The following ANKS1B variants were observed in gnomAD, a reference collection of about 807,000 sequenced individuals.
ANKS1B encodes the protein ankyrin repeat and sterile alpha motif domain-containing protein 1B.
Under a neutral mutation model 148.3 loss-of-function variants are expected in ANKS1B, and 36 were observed. That is an observed-to-expected ratio of 0.24 (90% CI 0.19 to 0.32). The LOEUF is 0.32. ANKS1B is among the 10% of genes least tolerant of loss of function. The pLI is 1.00. For synonymous variants in ANKS1B, 542 were observed against 560.8 expected, an observed-to-expected ratio of 0.97 and a Z score of 0.47; for missense variants, 1,157 against 1,542.6, an observed-to-expected ratio of 0.75 and a Z score of 4.19.
chr12:99,264,016 A>T (rs2153984108), intron 12 of ANKS1B, among the ~76,000 whole-genome samples: 1 of 152,238 alleles, frequency 6.6e-6, no homozygotes, highest in Non-Finnish European at 1.5e-5. Context: ...TGCCCTAAAA[A>T]TTCTATATAC....
In ANKS1B at chr12:98,829,332, G is replaced by A. The variant is rs771639722; in HGVS notation, c.2908C>T (p.Pro970Ser). The A allele has an allele frequency of 5.5e-5, 88 of 1,613,792 alleles. No homozygotes were observed. Among genetic ancestry groups the A allele is most frequent in the Non-Finnish European group, 7.3e-5 (86 of 1,179,838 alleles). The stretch of plus-strand genomic sequence containing the variant: ...CTAAGTGATGGAGACAACTGAGGAG[G>A]AGTGTGATTACCACTGGGTTCCTGA... Reference protein sequence around the residue: ...TLREPSGNHTPPQLSPSLSQS... With the variant: ...TLREPSGNHTSPQLSPSLSQS... Residue 970 changes from proline to serine, a missense_variant, in exon 19 of 27, where the codon CCT becomes TCT. Around this residue, in one of 6 missense-constraint regions of ANKS1B, gnomAD observed 258 missense variants for 497.0 expected, o/e 0.52. Transcript: ENST00000683438. This position sits in a 1 kb window ranked among gnomAD's most constrained non-coding sequence, Gnocchi z 5.2.
intron 18 of ANKS1B, chr12:98,831,023 C>A (rs1220123641): frequency 7.2e-6 from 1 of 139,158 alleles, no homozygotes; most frequent in East Asian, 2.5e-4. Flanking sequence ...TCTCGGCCCA[C>A]TGCATCCTCT....
intron 1 of ANKS1B, among the ~76,000 whole-genome samples, chr12:99,833,615 A>G (rs2084366790): frequency 6.6e-6 from 1 of 152,252 alleles, no homozygotes; most frequent in Non-Finnish European, 1.5e-5. Flanking sequence ...GGCAGGAGCC[A>G]AGTTTCAGTT....
At chr12:99,858,338 T>C (rs930193037) in intron 1 of ANKS1B, among the ~76,000 whole-genome samples, 1 of 151,832 alleles carries the variant, frequency 6.6e-6, no homozygotes, top group East Asian at 1.9e-4. Context: ...ACCTTACTCC[T>C]GCAAGAATGG....
intron 9 of ANKS1B, among the ~76,000 whole-genome samples, chr12:99,602,769 T>TA (rs2097814367): frequency 6.6e-6 from 1 of 152,190 alleles, no homozygotes; most frequent in East Asian, 1.9e-4. Flanking sequence ...GGAGAAAAAT[T>TA]AAAAATATTA....
At position 99,895,658 on chromosome 12, in the gene ANKS1B, AG is replaced by A. The variant is rs571164440; in HGVS notation, c.135-70270del. On this transcript the variant is annotated intron_variant, in intron 1 of 26. Coordinates refer to ENST00000683438, the MANE Select transcript of ANKS1B (RefSeq NM_001352186.2). ...CTTTCTGGATTGAAAGGGCCCACAG[AG>A]TACCAACCACAAAAAAAACAGAAAT... Among the ~76,000 whole-genome samples, 51 of 143,660 alleles carry A rather than the reference AG, an allele frequency of 3.6e-4. No individual in the cohort carries two copies. The East Asian group carries it at 8.4e-3, about 24-fold the overall frequency. 94.2% of individuals were successfully genotyped at this position (143,660 alleles called of 152,430 possible).
chr12:98,820,647 T>C (rs1365417981), intron 19 of ANKS1B, among the ~76,000 whole-genome samples: 1 of 152,210 alleles, frequency 6.6e-6, no homozygotes, highest in African/African-American at 2.4e-5. Context: ...AAATGAAATA[T>C]AATGAAATAT....
intron 12 of ANKS1B, among the ~76,000 whole-genome samples, chr12:99,300,501 T>C (rs1212760779): frequency 1.3e-5 from 2 of 151,946 alleles, no homozygotes; most frequent in Non-Finnish European, 1.5e-5. Context: ...ACAGAAAACA[T>C]AGACCAAAGC....
At chr12:99,311,301 A>G (rs1211059209) in intron 12 of ANKS1B, among the ~76,000 whole-genome samples, 1 of 152,178 alleles carries the variant, frequency 6.6e-6, no homozygotes, top group Non-Finnish European at 1.5e-5. Context: ...AAATATACAG[A>G]AAAAGAAAGA....
intron 9 of ANKS1B, among the ~76,000 whole-genome samples, chr12:99,533,073 G>C (rs2097018810): frequency 6.6e-6 from 1 of 152,114 alleles, no homozygotes; most frequent in South Asian, 2.1e-4. Context: ...GAATGACATT[G>C]GTATTTTGAT....
chr12:99,753,812 A>C (rs1309709361), intron 8 of ANKS1B, among the ~76,000 whole-genome samples: 1 of 152,066 alleles, frequency 6.6e-6, no homozygotes, highest in Non-Finnish European at 1.5e-5. Context: ...ACCTGAGGTC[A>C]GGAGTTCGAG....
chr12:99,411,639 C>G (rs2094711236), intron 11 of ANKS1B, among the ~76,000 whole-genome samples: 1 of 152,118 alleles, frequency 6.6e-6, no homozygotes, highest in Non-Finnish European at 1.5e-5. Flanking sequence ...AAAATGATAG[C>G]CTACTGTCCC....
At chr12:99,410,598 G>T (rs999734254) in intron 11 of ANKS1B, among the ~76,000 whole-genome samples, 4 of 152,200 alleles carry the variant, frequency 2.6e-5, no homozygotes, top group Non-Finnish European at 4.4e-5. Flanking sequence ...GAACCTGGGA[G>T]GGGGAGCTTG....
At chr12:99,578,800 T>C (rs558204825) in intron 9 of ANKS1B, among the ~76,000 whole-genome samples, 1 of 152,256 alleles carries the variant, frequency 6.6e-6, no homozygotes, top group Admixed American at 6.5e-5. Context: ...TTCAGTGATA[T>C]TCCTGTGAAA....
At chr12:99,539,485 C>T (rs1567305792) in intron 9 of ANKS1B, among the ~76,000 whole-genome samples, 1 of 151,584 alleles carries the variant, frequency 6.6e-6, no homozygotes, top group Admixed American at 6.6e-5. Context: ...AAAAATAACT[C>T]TTAAAAATAT....
chr12:99,725,538 C>A (rs550056188), intron 8 of ANKS1B, among the ~76,000 whole-genome samples: 7 of 152,124 alleles, frequency 4.6e-5, no homozygotes, highest in Non-Finnish European at 8.8e-5. Flanking sequence ...GACTTAGACT[C>A]CCACACAATA....
intron 15 of ANKS1B, among the ~76,000 whole-genome samples, chr12:99,117,062 CT>C (rs2061587364): frequency 6.6e-6 from 1 of 152,174 alleles, no homozygotes; most frequent in Non-Finnish European, 1.5e-5. Context: ...TATCCTGAGA[CT>C]TTGCTGAAGT....
At chr12:99,750,108 G>T (rs768473497) in intron 8 of ANKS1B, among the ~76,000 whole-genome samples, 7 of 151,888 alleles carry the variant, frequency 4.6e-5, no homozygotes, top group South Asian at 2.1e-4. Flanking sequence ...TCTCTCTCAA[G>T]CATATTAGAA....
chr12:99,622,999 C>G (rs193274492), intron 9 of ANKS1B, among the ~76,000 whole-genome samples: 6 of 152,056 alleles, frequency 3.9e-5, no homozygotes, highest in African/African-American at 1.4e-4. Flanking sequence ...TGTAAAAATG[C>G]TCAACAAAAT....
Sources: gnomAD v4.1 joint callset for allele counts (sites outside exome capture counted in the v4.1 genomes callset) on GRCh38, gnomAD v4.1.1 for gene constraint, gnomAD v4.1.1 regional missense constraint, Gnocchi (gnomAD v3.1) non-coding constraint, MANE v1.5 for transcripts, NCBI Gene and HGNC (gene_info 2026-07-23, HGNC 2026-07-21) for gene names.